NTM: variants seen among roughly 807,000 people sequenced by gnomAD.
NTM encodes neurotrimin.
In NTM, 13 loss-of-function variants were observed where a neutral mutation model predicts 42.1. That is an observed-to-expected ratio of 0.31 (90% CI 0.20 to 0.49). NTM has a LOEUF of 0.49. NTM is among the 20% of genes least tolerant of loss of function. The pLI, the probability that NTM is intolerant of heterozygous loss-of-function variation, is 0.99. For synonymous variants in NTM, 187 were observed against 179.2 expected (o/e 1.04, Z -0.35); for missense variants, 373 against 452.8 (o/e 0.82, Z 1.60).
At chr11:131,944,461 A>T (rs1210910121) in intron 2 of NTM, among the ~76,000 whole-genome samples, 1 of 152,194 alleles carries the variant, frequency 6.6e-6, no homozygotes, top group South Asian at 2.1e-4. Context: ...TCCACAGCTC[A>T]TCTCAGCCTT....
chr11:131,691,750 G>C (rs1377081576), intron 1 of NTM, among the ~76,000 whole-genome samples: 2 of 152,164 alleles, frequency 1.3e-5, no homozygotes, highest in Non-Finnish European at 2.9e-5. Flanking sequence ...TGAGCGGAGC[G>C]GGGCTGGGCT....
At chr11:132,262,400 T>C (rs987466332) in intron 4 of NTM, among the ~76,000 whole-genome samples, 4 of 152,182 alleles carry the variant, frequency 2.6e-5, no homozygotes, top group Admixed American at 2.0e-4. Context: ...CAAAATACCA[T>C]AGATGGAGTG....
At chr11:132,059,324 C>T (rs1033291793) in intron 2 of NTM, among the ~76,000 whole-genome samples, 3 of 152,166 alleles carry the variant, frequency 2.0e-5, no homozygotes, top group Non-Finnish European at 4.4e-5. Flanking sequence ...CTCAGGGCCG[C>T]CTCTGAGAGT....
intron 1 of NTM, among the ~76,000 whole-genome samples, chr11:131,437,972 G>T (rs189693175): frequency 1.3e-5 from 2 of 152,146 alleles, no homozygotes; most frequent in Non-Finnish European, 2.9e-5. Flanking sequence ...TGTAAGGCAG[G>T]CCTGGTGGTG....
At chr11:131,957,640 T>C (rs375600536) in intron 2 of NTM, among the ~76,000 whole-genome samples, 2 of 152,204 alleles carry the variant, frequency 1.3e-5, no homozygotes, top group African/African-American at 4.8e-5. Context: ...AGGTAGTAAG[T>C]GTAAGAGCAT....
At chr11:131,587,230 C>T (rs191928066) in intron 1 of NTM, among the ~76,000 whole-genome samples, 5 of 152,222 alleles carry the variant, frequency 3.3e-5, no homozygotes, top group East Asian at 3.9e-4. Context: ...GGGCAGATCA[C>T]GAGGTCAGGA....
chr11:131,799,479 G>A (rs931865166), intron 1 of NTM, among the ~76,000 whole-genome samples: 1 of 152,126 alleles, frequency 6.6e-6, no homozygotes, highest in Non-Finnish European at 1.5e-5. Context: ...GGGGCCATAC[G>A]TAGGGTAGGA....
chr11:131,558,266 G>A (rs999344389), intron 1 of NTM, among the ~76,000 whole-genome samples: 2 of 152,022 alleles, frequency 1.3e-5, no homozygotes, highest in African/African-American at 4.8e-5. Context: ...CCTCCAGCCT[G>A]GACACTCTGC....
chr11:132,081,948 TTATATA>T (rs10547769), intron 2 of NTM, among the ~76,000 whole-genome samples: 32 of 144,202 alleles, frequency 2.2e-4, no homozygotes, highest in Non-Finnish European at 3.6e-4. Flanking sequence ...ATATATATAT[TTATATA>T]TATATATATA....
rs1181662763 is a variant in NTM, at chr11:132,314,541, G to C, written c.783-11G>C. 6.3e-7 allele frequency: 1 copy of C among 1,599,012 alleles called. No individual in the cohort carries two copies. The highest frequency in any genetic ancestry group is 1.8e-5 in the Admixed American group (1 of 56,984). ...CTTGTTTTCTTCTTTTTTGTCTTTT[G>C]TTTCTCTCAGACTGATTGAAGGAAA... On this transcript the variant is annotated splice_polypyrimidine_tract_variant and intron_variant, in intron 6 of 8. Transcript: ENST00000683400.
chr11:131,904,399 T>C (rs1385508597), intron 1 of NTM, among the ~76,000 whole-genome samples: 1 of 152,184 alleles, frequency 6.6e-6, no homozygotes, highest in Non-Finnish European at 1.5e-5. Flanking sequence ...TTCCCTACTC[T>C]GGCTGGGCTC....
intron 1 of NTM, among the ~76,000 whole-genome samples, chr11:131,712,332 T>C (rs1312396097): frequency 6.6e-6 from 1 of 152,150 alleles, no homozygotes; most frequent in African/African-American, 2.4e-5. Flanking sequence ...GGAAAAACAG[T>C]TGTTAAGAGG....
intron 1 of NTM, among the ~76,000 whole-genome samples, chr11:131,900,148 G>A (rs989598005): frequency 3.3e-5 from 5 of 152,212 alleles, no homozygotes; most frequent in Admixed American, 6.5e-5. Flanking sequence ...AGTCAGAACC[G>A]AGAAGGGTGA....
intron 2 of NTM, among the ~76,000 whole-genome samples, chr11:131,923,953 A>T (rs2138298598): frequency 6.6e-6 from 1 of 152,266 alleles, no homozygotes; most frequent in East Asian, 1.9e-4. Context: ...AGGGACTAAT[A>T]ATAGGGGTTC....
chr11:131,757,956 A>C (rs750678069), intron 1 of NTM, among the ~76,000 whole-genome samples: 14 of 152,226 alleles, frequency 9.2e-5, no homozygotes, highest in Non-Finnish European at 1.9e-4. Context: ...ATGTTTAGCT[A>C]TTATTCTACT....
intron 1 of NTM, among the ~76,000 whole-genome samples, chr11:131,853,268 T>C (rs1456679385): frequency 6.6e-6 from 1 of 152,168 alleles, no homozygotes. Context: ...TGGGTACATA[T>C]GCAGGATGTG....
At chr11:132,294,540 C>T (rs532401608) in intron 4 of NTM, among the ~76,000 whole-genome samples, 5 of 152,156 alleles carry the variant, frequency 3.3e-5, no homozygotes, top group South Asian at 2.1e-4. Context: ...TTGGAATTAT[C>T]GGGAAGGAGG....
intron 2 of NTM, among the ~76,000 whole-genome samples, chr11:131,954,113 C>T (rs1202214582): frequency 6.6e-6 from 1 of 152,218 alleles, no homozygotes; most frequent in Non-Finnish European, 1.5e-5. Flanking sequence ...ATGGTAAGCC[C>T]TCCTTTTTCC....
chr11:132,322,005 C>T (rs960797381), intron 7 of NTM, among the ~76,000 whole-genome samples: 1 of 151,476 alleles, frequency 6.6e-6, no homozygotes, highest in African/African-American at 2.4e-5. Flanking sequence ...ACCAGGCCTG[C>T]CCTAAAAGAG....
Sources: gnomAD v4.1 joint callset for allele counts (sites outside exome capture counted in the v4.1 genomes callset) on GRCh38, gnomAD v4.1.1 for gene constraint, MANE v1.5 for transcripts, NCBI Gene and HGNC (gene_info 2026-07-23, HGNC 2026-07-21) for gene names.